The following KMT2C variants were observed in gnomAD, a reference collection of about 807,000 sequenced individuals.
KMT2C encodes the protein lysine methyltransferase 2C.
Under a neutral mutation model 507.9 loss-of-function variants are expected in KMT2C, and 88 were observed. That is an observed-to-expected ratio of 0.17 (90% CI 0.15 to 0.21). KMT2C has a LOEUF of 0.21. Among genes scored for constraint, KMT2C ranks in the 10% least tolerant of loss-of-function variants. The probability of loss-of-function intolerance (pLI) is 1.00; values close to 1 mark genes in which losing one functional copy is unlikely to be tolerated. For missense variants in KMT2C, 4,954 were observed against 5,957.8 expected (o/e 0.83, Z 5.55); for synonymous variants, 2,049 against 2,080.8 (o/e 0.98, Z 0.42).
intron 2 of KMT2C, among the ~76,000 whole-genome samples, chr7:152,331,989 A>G (rs1475076593): frequency 3.3e-5 from 5 of 152,170 alleles, no homozygotes; most frequent in South Asian, 2.1e-4. Context: ...ATTGGTCTAC[A>G]GAACAAATGT....
Position 152,181,099 on chromosome 7 carries a change from G to C in KMT2C, c.6761C>G (p.Ala2254Gly). 6.2e-7 allele frequency: 1 copy of C among 1,614,188 alleles called. No individual in the cohort carries two copies. The highest frequency in any genetic ancestry group is 8.5e-7 in the Non-Finnish European group (1 of 1,180,034). The stretch of plus-strand genomic sequence containing the variant: ...AGGTAAAGCTGGTCCTCGGTTTTGT[G>C]CTGCTTGCAGGAAAGGATCCTGATT... ...MPNQDPFLQA[A>G]QNRGPALPGP... The change falls in exon 36 of 59, where the codon GCA becomes GGA. Residue 2254 changes from alanine to glycine, a missense_variant. By Grantham distance (60) the Ala-to-Gly change is moderately conservative. Coordinates refer to ENST00000262189, the MANE Select transcript of KMT2C (RefSeq NM_170606.3).
intron 1 of KMT2C, chr7:152,367,951 C>A: frequency 1.1e-6 from 1 of 924,594 alleles, no homozygotes; most frequent in Non-Finnish European, 1.8e-6. Flanking sequence ...ACACTTATAC[C>A]AGAGGAATGC....
intron 1 of KMT2C, among the ~76,000 whole-genome samples, chr7:152,374,876 C>G (rs908671020): frequency 7.1e-6 from 1 of 140,240 alleles, no homozygotes; most frequent in African/African-American, 2.9e-5. Flanking sequence ...CAGGGAGACT[C>G]TGTCTCTCAA....
chr7:152,430,246 C>A (rs1255982149), intron 1 of KMT2C, among the ~76,000 whole-genome samples: 4 of 150,818 alleles, frequency 2.7e-5, no homozygotes, highest in Non-Finnish European at 4.4e-5. Flanking sequence ...ACTTATCCTG[C>A]CAACAAGTTC....
chr7:152,164,809 T>G (rs932370379), intron 42 of KMT2C, among the ~76,000 whole-genome samples: 5 of 152,196 alleles, frequency 3.3e-5, no homozygotes, highest in Non-Finnish European at 7.3e-5. Flanking sequence ...CCAAAAACCT[T>G]TGTGTCCCAA....
At chr7:152,302,029 T>C (rs1303902022) in intron 6 of KMT2C, among the ~76,000 whole-genome samples, 2 of 152,134 alleles carry the variant, frequency 1.3e-5, no homozygotes, top group Non-Finnish European at 2.9e-5. Context: ...TTTTTGTTTC[T>C]GCAGTCTACA....
chr7:152,200,297 C>G (rs897062685), intron 26 of KMT2C, among the ~76,000 whole-genome samples: 2 of 152,112 alleles, frequency 1.3e-5, no homozygotes, highest in Non-Finnish European at 2.9e-5. Context: ...TATCAACAGG[C>G]ATAGAACTAT....
chr7:152,420,757 C>T (rs2097772298), intron 1 of KMT2C, among the ~76,000 whole-genome samples: 1 of 151,944 alleles, frequency 6.6e-6, no homozygotes, highest in African/African-American at 2.4e-5. Context: ...ATTGCTTGAA[C>T]CCGGGAGGCA....
At chr7:152,365,205 A>C (rs1317109302) in intron 1 of KMT2C, among the ~76,000 whole-genome samples, 1 of 152,226 alleles carries the variant, frequency 6.6e-6, no homozygotes, top group Non-Finnish European at 1.5e-5. Context: ...CAGCAAAAAA[A>C]AGTATCCTTC....
chr7:152,352,417 G>T (rs2097120953), intron 2 of KMT2C, among the ~76,000 whole-genome samples: 1 of 152,062 alleles, frequency 6.6e-6, no homozygotes, highest in African/African-American at 2.4e-5. Flanking sequence ...CTATTACCTT[G>T]TGAAGCACGT....
chr7:152,284,449 T>C (rs1429645600), intron 6 of KMT2C, among the ~76,000 whole-genome samples: 2 of 152,132 alleles, frequency 1.3e-5, no homozygotes, highest in African/African-American at 4.8e-5. Flanking sequence ...TTATCATATG[T>C]GTAATTTAAC....
rs1440918685 is a variant in KMT2C at position 152,206,910 on chromosome 7, A to G, written c.3841+390T>C. On this transcript the variant is annotated intron_variant, in intron 24 of 58. Transcript: ENST00000262189. ...CTGGCACTCCTGCATAAACACTGAA[A>G]TAAGTTTTTTCAAAAAAAGATATTA... Among the ~76,000 whole-genome samples, 3 of 151,436 alleles carry G rather than the reference A, an allele frequency of 2.0e-5. No individual in the cohort carries two copies. In the East Asian group the frequency reaches 5.8e-4, roughly 29 times the overall value.
At position 152,163,304 on chromosome 7, in the gene KMT2C, A is replaced by G; in HGVS notation, c.10273T>C (p.Leu3425=). ...TGCTCCATTTCCATCCTCTGCTGCA[A>G]AGCTCTTTGTCTATCTACCTCCTGC... ...LMQEVDRQRA[L]QQRMEMEQHG... The change falls in exon 43 of 59, where the codon TTG becomes CTG. Residue 3425 remains leucine (L), a synonymous_variant. Transcript: ENST00000262189. 1.2e-6 allele frequency: 2 copies of G among 1,614,152 alleles called. No homozygotes were observed. The highest frequency in any genetic ancestry group is 1.7e-6 in the Non-Finnish European group (2 of 1,180,016).
Position 152,136,779 on chromosome 7 carries a change from G to T in KMT2C, c.*53C>A, listed in dbSNP as rs2089908755. The T allele has an allele frequency of 1.6e-6, 2 of 1,243,646 alleles. No homozygotes were observed. Among genetic ancestry groups the T allele is most frequent in the South Asian group, 2.4e-5 (2 of 83,466 alleles). The allele number at this position is 1,243,646 out of a possible 1,614,324, so 77.0% of individuals were successfully genotyped here. ...GTCTGCAAAATTCCAATGGTGTGTT[G>T]AATCGCCTCTTCCTAGGGACAAGCC... is the stretch of plus-strand genomic sequence containing the variant. On this transcript the variant is annotated 3_prime_UTR_variant, in exon 59 of 59. Coordinates refer to ENST00000262189, the MANE Select transcript of KMT2C (RefSeq NM_170606.3).
rs140834550 is a variant in KMT2C at position 152,179,888 on chromosome 7, C to T, written c.7388G>A (p.Arg2463His). 614 of 1,614,020 alleles carry T rather than the reference C, an allele frequency of 3.8e-4. 1 individual carries two copies. Among genetic ancestry groups the T allele is most frequent in the East Asian group, 3.1e-4 (14 of 44,872 alleles). The change falls in exon 37 of 59, where the codon CGT becomes CAT. Residue 2463 changes from arginine to histidine, a missense_variant. Physicochemically the swap from Arg to His is conservative, Grantham distance 29 (BLOSUM62 0). Around this residue, in one of 29 missense-constraint regions of KMT2C, gnomAD observed 1,689 missense variants for 1,654.3 expected, o/e 1.02. Coordinates refer to ENST00000262189, the MANE Select transcript of KMT2C (RefSeq NM_170606.3). ...PRYAVFPKDQ[R>H]GPYPPDVASM... ...AGCAACATCAGGAGGATAGGGTCCA[C>T]GCTGATCTTTTGGGAAAACAGCATA...
intron 16 of KMT2C, among the ~76,000 whole-genome samples, chr7:152,231,942 C>T (rs10231986): frequency 0.02 from 3,043 of 151,738 alleles, 98 homozygotes; most frequent in African/African-American, 0.071. Context: ...TGCAGTGGTG[C>T]AGTCTCGGCT....
At position 152,183,072 on chromosome 7, in the gene KMT2C, C is replaced by T. The variant is rs200338679; in HGVS notation, c.5167G>A (p.Asp1723Asn). ...ATACGAGAGCTGGGATCAATGCTAT[C>T]TTGCTGTTGCTGCCTTTTCATGGAA... ...NDSMKRQQQQDSIDPSSRIDS... is the reference protein window; with the variant it reads ...NDSMKRQQQQNSIDPSSRIDS... Residue 1723 changes from aspartate to asparagine, a missense_variant, in exon 35 of 59, where the codon GAT becomes AAT. Physicochemically the swap from Asp to Asn is conservative, Grantham distance 23 (BLOSUM62 1). Coordinates refer to ENST00000262189, the MANE Select transcript of KMT2C (RefSeq NM_170606.3). 6.2e-7 allele frequency: 1 copy of T among 1,613,064 alleles called. No homozygotes were observed. Among genetic ancestry groups the T allele is most frequent in the African/African-American group, 1.3e-5 (1 of 74,996 alleles).
intron 1 of KMT2C, among the ~76,000 whole-genome samples, chr7:152,377,495 G>A (rs2097338098): frequency 6.6e-6 from 1 of 152,218 alleles, no homozygotes; most frequent in Non-Finnish European, 1.5e-5. Flanking sequence ...AGCACTCTGG[G>A]ATGCCAAGGC....
intron 27 of KMT2C, among the ~76,000 whole-genome samples, 199 bp from the exon 28 acceptor site, chr7:152,196,210 C>G (rs547946079): frequency 2.0e-5 from 3 of 151,920 alleles, no homozygotes; most frequent in African/African-American, 7.3e-5. Flanking sequence ...AAAATTCAGA[C>G]GATTTTGTCT....
Sources: allele counts gnomAD v4.1 joint callset (sites outside exome capture counted in the v4.1 genomes callset), GRCh38; gene constraint gnomAD v4.1.1; regional missense constraint gnomAD v4.1.1; transcripts MANE v1.5; gene names NCBI Gene and HGNC (gene_info 2026-07-23, HGNC 2026-07-21).